The following NPAS3 variants were observed in gnomAD, a reference collection of about 807,000 sequenced individuals.
NPAS3 encodes the protein neuronal PAS domain protein 3.
In NPAS3, 14 loss-of-function variants were observed where a neutral mutation model predicts 73.1. The ratio of observed to expected loss-of-function variants is 0.19; its 90% CI spans 0.13 to 0.30. The LOEUF (loss-of-function observed/expected upper bound fraction) is 0.30, where lower values mean the gene tolerates loss of function less well. NPAS3 is among the 10% of genes least tolerant of loss of function. NPAS3 has a pLI of 1.00. For missense variants in NPAS3, 1,096 were observed against 1,250.0 expected, an observed-to-expected ratio of 0.88 and a Z score of 1.86; for synonymous variants, 620 against 541.5, an observed-to-expected ratio of 1.14 and a Z score of -2.01.
rs181388703 is a variant in NPAS3 at position 32,984,911 on chromosome 14, A to G, written c.50+45545A>G. Among the ~76,000 whole-genome samples, 299 of 152,348 alleles carry G rather than the reference A, an allele frequency of 2.0e-3. 1 individual carries two copies. The highest frequency in any genetic ancestry group is 6.8e-3 in the Middle Eastern group (2 of 294). On this transcript the variant is annotated intron_variant, in intron 1 of 11. Transcript: ENST00000356141. ...AGTCATTCCTGTGTTCTAAAAGCTC[A>G]GTATTTGATTTAATTGCTAAGGACA...
chr14:33,582,027 G>A (rs961281198), intron 5 of NPAS3: 3 of 152,096 alleles, frequency 2.0e-5, no homozygotes, highest in Admixed American at 6.5e-5. Flanking sequence ...TATTTATCCT[G>A]TCAAATATAC....
intron 7 of NPAS3, among the ~76,000 whole-genome samples, chr14:33,752,173 T>C (rs1181038138): frequency 6.6e-6 from 1 of 152,210 alleles, no homozygotes; most frequent in East Asian, 1.9e-4. Context: ...TTCTATAAAA[T>C]ATAATATGAA....
At chr14:33,398,407 TA>T (rs57064212) in intron 4 of NPAS3, among the ~76,000 whole-genome samples, 14,964 of 142,804 alleles carry the variant, frequency 0.1, 874 homozygotes, top group Admixed American at 0.21. Context: ...TATTTTCCTT[TA>T]AAAAAAAAAA....
intron 2 of NPAS3, among the ~76,000 whole-genome samples, chr14:33,132,283 T>A (rs2043667040): frequency 1.3e-5 from 2 of 152,100 alleles, no homozygotes; most frequent in Non-Finnish European, 2.9e-5. Context: ...GTGCCTCTGG[T>A]TGTTCTAGCT....
chr14:33,678,353 C>T lies in NPAS3; in HGVS notation c.733+1968C>T, dbSNP rs184934018. 5.9e-5 allele frequency among the ~76,000 whole-genome samples: 9 copies of T among 151,398 alleles called. No individual in the cohort carries two copies. The East Asian group carries it at 1.5e-3, about 26-fold the overall frequency. On this transcript the variant is annotated intron_variant, in intron 6 of 11. Coordinates refer to ENST00000356141, the Ensembl canonical transcript of NPAS3. ...CCCTCTGGGACATTTCTGATTTACT[C>T]CTTCTTCCCTATCCTAGCTTCTCAC...
chr14:33,544,762 T>TGCATGTATGTGTTTATG (rs71118548), intron 4 of NPAS3, among the ~76,000 whole-genome samples: 32,178 of 112,152 alleles, frequency 0.29, 5,575 homozygotes, highest in African/African-American at 0.43. Context: ...AGACAACATA[T>TGCATGTATGTGTTTATG]GCATGTATGT....
intron 5 of NPAS3, among the ~76,000 whole-genome samples, chr14:33,564,682 T>TGA (rs2139780180): frequency 6.6e-6 from 1 of 152,340 alleles, no homozygotes; most frequent in African/African-American, 2.4e-5. Flanking sequence ...GCAGAGGACA[T>TGA]GAGAGACTCA....
chr14:33,399,071 G>T (rs1260447225), intron 4 of NPAS3, among the ~76,000 whole-genome samples: 1 of 152,048 alleles, frequency 6.6e-6, no homozygotes, highest in Non-Finnish European at 1.5e-5. Flanking sequence ...TATTATTGAG[G>T]TTGGTTATGA....
At chr14:32,978,138 G>A (rs775564296) in intron 1 of NPAS3, among the ~76,000 whole-genome samples, 9 of 152,134 alleles carry the variant, frequency 5.9e-5, no homozygotes, top group African/African-American at 1.4e-4. Flanking sequence ...CTTGCCTTCA[G>A]TCACTCAGCT....
chr14:33,742,510 T>C (rs983416636), intron 7 of NPAS3, among the ~76,000 whole-genome samples: 2 of 152,220 alleles, frequency 1.3e-5, no homozygotes, highest in Non-Finnish European at 2.9e-5. Flanking sequence ...AATTTAACAA[T>C]AATTTATTGC....
intron 5 of NPAS3, among the ~76,000 whole-genome samples, chr14:33,608,804 C>G (rs1223502355): frequency 6.6e-6 from 1 of 152,158 alleles, no homozygotes; most frequent in East Asian, 1.9e-4. Context: ...AGCTTAGAAG[C>G]CTATTGAAAG....
At chr14:33,709,644 C>T (rs1449148711) in intron 6 of NPAS3, among the ~76,000 whole-genome samples, 1 of 152,136 alleles carries the variant, frequency 6.6e-6, no homozygotes, top group Non-Finnish European at 1.5e-5. Context: ...AAGGGCCAAC[C>T]CTGTGTGGGA....
intron 4 of NPAS3, among the ~76,000 whole-genome samples, chr14:33,417,159 T>C (rs911193277): frequency 8.5e-5 from 13 of 152,060 alleles, no homozygotes; most frequent in African/African-American, 3.1e-4. Context: ...ATGAATCTTT[T>C]ATCTCATCTG....
chr14:33,169,189 G>A (rs1336253925), intron 2 of NPAS3, among the ~76,000 whole-genome samples: 3 of 152,152 alleles, frequency 2.0e-5, no homozygotes, highest in Non-Finnish European at 4.4e-5. Context: ...GCCACATTTT[G>A]TTCACTGCCA....
chr14:33,592,927 G>C (rs2057118522), intron 5 of NPAS3, among the ~76,000 whole-genome samples: 1 of 152,104 alleles, frequency 6.6e-6, no homozygotes, highest in South Asian at 2.1e-4. Flanking sequence ...ACTCAGTGCT[G>C]TGAAAATTTT....
rs191393547 is a variant in NPAS3 at position 33,057,959 on chromosome 14, C to T, written c.140+1965C>T. Among the ~76,000 whole-genome samples the T allele has an allele frequency of 9.9e-4, 150 of 152,050 alleles. 1 individual carries two copies. Among genetic ancestry groups the T allele is most frequent in the Admixed American group, 1.6e-3 (25 of 15,270 alleles). ...CACAAGCACACTGAAGAGAAAAGGCCGGGTATTCCGATTTTATCTTCCTAT... is the reference window on the plus strand; with the variant it reads ...CACAAGCACACTGAAGAGAAAAGGCTGGGTATTCCGATTTTATCTTCCTAT... On this transcript the variant is annotated intron_variant, in intron 2 of 11. Coordinates refer to ENST00000356141, the Ensembl canonical transcript of NPAS3.
At chr14:33,406,462 G>T (rs553997107) in intron 4 of NPAS3, among the ~76,000 whole-genome samples, 20 of 152,212 alleles carry the variant, frequency 1.3e-4, no homozygotes, top group Non-Finnish European at 2.5e-4. Flanking sequence ...TGACTTAAGT[G>T]TCTATGACTC....
chr14:33,203,674 A>G (rs1037793536), intron 2 of NPAS3, among the ~76,000 whole-genome samples: 2 of 152,184 alleles, frequency 1.3e-5, no homozygotes, highest in African/African-American at 4.8e-5. Context: ...ATGGCTGCAC[A>G]GTATTCCATG....
chr14:33,090,463 A>G (rs1163743748), intron 2 of NPAS3, among the ~76,000 whole-genome samples: 1 of 152,220 alleles, frequency 6.6e-6, no homozygotes, highest in East Asian at 1.9e-4. Context: ...CTAAATACAT[A>G]TGCACCCAGT....
Sources: allele counts gnomAD v4.1 joint callset (sites outside exome capture counted in the v4.1 genomes callset), GRCh38; gene constraint gnomAD v4.1.1; transcripts MANE v1.5; gene names NCBI Gene and HGNC (gene_info 2026-07-23, HGNC 2026-07-21).